Variants in GPC3 observed in about 807,000 individuals in gnomAD.
The protein encoded by GPC3 is glypican-3.
Under a neutral mutation model 34.4 loss-of-function variants are expected in GPC3, and 3 were observed. That is an observed-to-expected ratio of 0.09 (90% CI 0.04 to 0.23). The LOEUF is 0.23. GPC3 is among the 10% of genes least tolerant of loss of function. GPC3 has a pLI of 1.00. For missense variants in GPC3, 351 were observed against 445.6 expected (o/e 0.79, Z 1.91); for synonymous variants, 177 against 174.0 (o/e 1.02, Z -0.13).
intron 2 of GPC3, among the ~76,000 whole-genome samples, chrX:133,787,666 G>A (rs1268661040): frequency 9.0e-6 from 1 of 111,714 alleles, no homozygotes; most frequent in Non-Finnish European, 1.9e-5. Flanking sequence ...GTTCTGCTCT[G>A]TTCTGTTCTA....
intron 3 of GPC3, among the ~76,000 whole-genome samples, chrX:133,732,420 G>C (rs2124464186): frequency 9.0e-6 from 1 of 111,621 alleles, no homozygotes; most frequent in African/African-American, 3.3e-5. Flanking sequence ...TAGTTCGTCT[G>C]GGCTGCCCCA....
chrX:133,609,573 C>T (rs1179188678), intron 6 of GPC3, among the ~76,000 whole-genome samples: 1 of 112,442 alleles, frequency 8.9e-6, no homozygotes, highest in Non-Finnish European at 1.9e-5. Context: ...TATTTACTAC[C>T]TTGTTGGCAT....
chrX:133,855,549 A>G (rs1232203829), intron 2 of GPC3, among the ~76,000 whole-genome samples: 3 of 105,938 alleles, frequency 2.8e-5, no homozygotes, highest in Admixed American at 1.0e-4. Flanking sequence ...ATATATATAT[A>G]GTAAAATGGT....
At chrX:133,686,080 C>A (rs1281549794) in intron 5 of GPC3, among the ~76,000 whole-genome samples, 2 of 112,087 alleles carry the variant, frequency 1.8e-5, no homozygotes, top group Admixed American at 1.9e-4. Flanking sequence ...GTTGTCTATG[C>A]AGAGTTGATA....
At chrX:133,983,358 G>C (rs1019216789) in intron 1 of GPC3, among the ~76,000 whole-genome samples, 1 of 112,380 alleles carries the variant, frequency 8.9e-6, no homozygotes, top group Non-Finnish European at 1.9e-5. Context: ...ATAAGTGTAT[G>C]GCCATCCCTA....
At chrX:133,807,194 A>T (rs2075640796) in intron 2 of GPC3, among the ~76,000 whole-genome samples, 2 of 110,504 alleles carry the variant, frequency 1.8e-5, no homozygotes, top group Non-Finnish European at 3.8e-5. Context: ...CCTCACAGTA[A>T]TGAGTGAGTT....
intron 2 of GPC3, among the ~76,000 whole-genome samples, chrX:133,851,777 GTAA>G (rs2075875047): frequency 8.9e-6 from 1 of 111,859 alleles, no homozygotes. Flanking sequence ...TGTTTCTACT[GTAA>G]TCCAACTCTG....
At chrX:133,540,252 C>T (rs1210835244) in intron 7 of GPC3, among the ~76,000 whole-genome samples, 4 of 112,862 alleles carry the variant, frequency 3.5e-5, no homozygotes, top group South Asian at 3.6e-4. Flanking sequence ...CACATGAACA[C>T]GCATGGTTAT....
chrX:133,633,868 A>G (rs1488798234), intron 6 of GPC3, among the ~76,000 whole-genome samples: 1 of 111,949 alleles, frequency 8.9e-6, no homozygotes, highest in African/African-American at 3.2e-5. Context: ...CTTGCTCAAA[A>G]CAGTACAAAC....
chrX:133,740,894 A>G (rs962701646), intron 3 of GPC3, among the ~76,000 whole-genome samples: 2 of 110,643 alleles, frequency 1.8e-5, no homozygotes, highest in Non-Finnish European at 3.8e-5. Flanking sequence ...TTTGTTTTAA[A>G]AAAACGTAAA....
chrX:133,894,483 A>C (rs2076103062), intron 2 of GPC3, among the ~76,000 whole-genome samples: 1 of 111,944 alleles, frequency 8.9e-6, no homozygotes, highest in Non-Finnish European at 1.9e-5. Flanking sequence ...GAATGGTTTA[A>C]GTTCTCTAAC....
At chrX:133,850,194 GTTTTTT>G (rs749809263) in intron 2 of GPC3, among the ~76,000 whole-genome samples, 1 of 68,008 alleles carries the variant, frequency 1.5e-5, no homozygotes, top group Non-Finnish European at 2.8e-5. Context: ...TTTGGGTTTT[GTTTTTT>G]TTTTTTTTTT....
intron 2 of GPC3, among the ~76,000 whole-genome samples, chrX:133,856,321 A>G (rs2075901206): frequency 9.0e-6 from 1 of 111,377 alleles, no homozygotes; most frequent in African/African-American, 3.3e-5. Context: ...CTAACCAGGT[A>G]TGAGGTGGTA....
chrX:133,782,491 C>T, intron 2 of GPC3, among the ~76,000 whole-genome samples: 1 of 111,969 alleles, frequency 8.9e-6, no homozygotes, highest in Middle Eastern at 4.6e-3. Context: ...AAGCACTCAC[C>T]TCTCAGTGTG....
At chrX:133,842,692 T>C (rs913269277) in intron 2 of GPC3, among the ~76,000 whole-genome samples, 3 of 110,778 alleles carry the variant, frequency 2.7e-5, no homozygotes, top group African/African-American at 9.9e-5. Flanking sequence ...ATATAGAAAT[T>C]ATTAAGACAG....
At chrX:133,968,169 G>A (rs969117857) in intron 1 of GPC3, among the ~76,000 whole-genome samples, 5 of 112,340 alleles carry the variant, frequency 4.5e-5, no homozygotes, top group East Asian at 2.8e-4. Context: ...GGCTGCCTTC[G>A]TGACGTAGCA....
intron 2 of GPC3, among the ~76,000 whole-genome samples, chrX:133,884,074 T>C (rs1361238289): frequency 9.0e-6 from 1 of 111,571 alleles, no homozygotes; most frequent in Non-Finnish European, 1.9e-5. Flanking sequence ...AGATGAAGTT[T>C]ATTAAGTCTA....
chrX:133,607,899 A>T (rs761564969), intron 6 of GPC3, among the ~76,000 whole-genome samples: 1 of 112,559 alleles, frequency 8.9e-6, no homozygotes, highest in Non-Finnish European at 1.9e-5. Flanking sequence ...CAAAGCACCA[A>T]GTGGCTAAAC....
intron 6 of GPC3, among the ~76,000 whole-genome samples, chrX:133,624,228 C>G (rs1488909091): frequency 9.0e-6 from 1 of 111,641 alleles, no homozygotes; most frequent in African/African-American, 3.3e-5. Context: ...AATTGACACC[C>G]TAACATCACA....
Sources: allele counts gnomAD v4.1 joint callset (sites outside exome capture counted in the v4.1 genomes callset), GRCh38; gene constraint gnomAD v4.1.1; transcripts MANE v1.5; gene names NCBI Gene and HGNC (gene_info 2026-07-23, HGNC 2026-07-21).